The following ARHGAP25 variants were observed in gnomAD, a reference collection of about 807,000 sequenced individuals.
The protein encoded by ARHGAP25 is Rho GTPase activating protein 25, also known as rho GTPase-activating protein 25.
ARHGAP25 carries 34 observed loss-of-function variants against 71.0 expected under a neutral mutation model. The ratio of observed to expected loss-of-function variants is 0.48; its 90% CI spans 0.36 to 0.64. The LOEUF is 0.64. ARHGAP25 is among the 30% of genes least tolerant of loss of function. The probability of loss-of-function intolerance (pLI) is 0.00; values close to 1 mark genes in which losing one functional copy is unlikely to be tolerated. For missense variants in ARHGAP25, 706 were observed against 805.1 expected, an observed-to-expected ratio of 0.88 and a Z score of 1.49; for synonymous variants, 282 against 296.5, an observed-to-expected ratio of 0.95 and a Z score of 0.50.
At chr2:68,768,794 C>T (rs1677291778) in intron 1 of ARHGAP25, among the ~76,000 whole-genome samples, 1 of 152,182 alleles carries the variant, frequency 6.6e-6, no homozygotes, top group African/African-American at 2.4e-5. Context: ...GCTCTCAGTC[C>T]ACCCTCACAC....
chr2:68,823,874 C>G (rs1681893415), intron 10 of ARHGAP25, among the ~76,000 whole-genome samples: 1 of 152,198 alleles, frequency 6.6e-6, no homozygotes, highest in South Asian at 2.1e-4. Flanking sequence ...AGAGTATTTT[C>G]TTGAAATATT....
At chr2:68,762,879 G>A (rs993905683) in intron 1 of ARHGAP25, among the ~76,000 whole-genome samples, 2 of 152,112 alleles carry the variant, frequency 1.3e-5, no homozygotes, top group African/African-American at 4.8e-5. Context: ...TTTTTGTGAG[G>A]ACCTTGGGTG....
At chr2:68,797,948 C>G (rs1224093950) in intron 4 of ARHGAP25, among the ~76,000 whole-genome samples, 3 of 152,214 alleles carry the variant, frequency 2.0e-5, no homozygotes, top group African/African-American at 7.2e-5. Context: ...TTCCTGTTTT[C>G]TTTCTTCCTG....
chr2:68,713,541 G>A (rs1015421772), intron 2 of ARHGAP25, among the ~76,000 whole-genome samples: 2 of 152,118 alleles, frequency 1.3e-5, no homozygotes, highest in African/African-American at 2.4e-5. Context: ...ATGTTGAATC[G>A]GAGTGGTGAG....
intron 2 of ARHGAP25, among the ~76,000 whole-genome samples, chr2:68,777,034 C>A (rs1392277291): frequency 6.6e-6 from 1 of 152,144 alleles, no homozygotes; most frequent in Non-Finnish European, 1.5e-5. Flanking sequence ...ATCGCAGGGA[C>A]CCCACCACAG....
At chr2:68,754,595 A>G (rs1208976494) in intron 1 of ARHGAP25, among the ~76,000 whole-genome samples, 1 of 152,222 alleles carries the variant, frequency 6.6e-6, no homozygotes, top group Admixed American at 6.5e-5. Flanking sequence ...TTGGGTAAAT[A>G]TTGAGGAGTG....
At chr2:68,775,443 C>G (rs778153950) in intron 2 of ARHGAP25, 23 bp downstream of exon 2, 2 of 1,613,910 alleles carry the variant, frequency 1.2e-6, no homozygotes, top group South Asian at 1.1e-5. Context: ...CTGTTTGTCC[C>G]GTTCATAAGG....
At chr2:68,803,553 G>A (rs1480993312) in intron 4 of ARHGAP25, among the ~76,000 whole-genome samples, 1 of 152,108 alleles carries the variant, frequency 6.6e-6, no homozygotes, top group Non-Finnish European at 1.5e-5. Context: ...GAGAACTGAG[G>A]TGGGAGATTA....
chr2:68,792,849 A>G (rs1030139249), intron 4 of ARHGAP25, among the ~76,000 whole-genome samples: 2 of 152,200 alleles, frequency 1.3e-5, no homozygotes, highest in Non-Finnish European at 2.9e-5. Context: ...AGAAATCTCC[A>G]TACTGTTTTC....
intron 4 of ARHGAP25, among the ~76,000 whole-genome samples, chr2:68,796,650 G>A (rs1679560226): frequency 6.6e-6 from 1 of 152,146 alleles, no homozygotes; most frequent in East Asian, 1.9e-4. Flanking sequence ...GTGTGTTAGG[G>A]TGCAGTTATT....
intron 1 of ARHGAP25, among the ~76,000 whole-genome samples, chr2:68,764,771 C>T (rs538260133): frequency 1.3e-5 from 2 of 152,258 alleles, no homozygotes; most frequent in Admixed American, 6.5e-5. Context: ...GGGCCCTTTC[C>T]GCTCCCTCTG....
intron 4 of ARHGAP25, among the ~76,000 whole-genome samples, chr2:68,797,127 C>G (rs1679609316): frequency 6.6e-6 from 1 of 152,148 alleles, no homozygotes; most frequent in South Asian, 2.1e-4. Context: ...CACACTCTGT[C>G]TTGGAGTAGG....
chr2:68,810,726 C>CTG (rs1680733857), intron 5 of ARHGAP25, among the ~76,000 whole-genome samples: 1 of 124,106 alleles, frequency 8.1e-6, no homozygotes, highest in African/African-American at 3.0e-5. Context: ...CTTTTCTTTT[C>CTG]TTCTCTTTTT....
chr2:68,766,151 G>A (rs914994964), intron 1 of ARHGAP25, among the ~76,000 whole-genome samples: 2 of 152,196 alleles, frequency 1.3e-5, no homozygotes, highest in Admixed American at 6.5e-5. Context: ...GGCAATGGAG[G>A]GGTCAGTACT....
chr2:68,786,386 C>T (rs192786910), intron 3 of ARHGAP25, among the ~76,000 whole-genome samples: 32 of 152,196 alleles, frequency 2.1e-4, no homozygotes, highest in Non-Finnish European at 2.6e-4. Flanking sequence ...GGAAGGACAC[C>T]GACAGACTTG....
At chr2:68,730,494 T>C (rs1339170472), upstream of ARHGAP25, among the ~76,000 whole-genome samples, 1 of 151,776 alleles carries the variant, frequency 6.6e-6, no homozygotes, top group Non-Finnish European at 1.5e-5. Flanking sequence ...AACGAGTTTT[T>C]AAAAAATTAG....
intron 10 of ARHGAP25, among the ~76,000 whole-genome samples, chr2:68,824,183 A>G (rs566763708): frequency 2.4e-4 from 36 of 152,366 alleles, no homozygotes; most frequent in African/African-American, 8.7e-4. Context: ...GCAGTGATCA[A>G]AGCAGTCCCA....
chr2:68,806,187 T>G (rs1373165008), intron 4 of ARHGAP25, among the ~76,000 whole-genome samples: 1 of 152,232 alleles, frequency 6.6e-6, no homozygotes, highest in Non-Finnish European at 1.5e-5. Flanking sequence ...ACTTGGGAAT[T>G]TGTCCTAAGG....
At chr2:68,760,741 T>A (rs1011153343) in intron 1 of ARHGAP25, among the ~76,000 whole-genome samples, 1 of 151,882 alleles carries the variant, frequency 6.6e-6, no homozygotes, top group African/African-American at 2.4e-5. Context: ...GTTGGAAGAC[T>A]TAATACTATC....
Sources: allele counts gnomAD v4.1 joint callset (sites outside exome capture counted in the v4.1 genomes callset), GRCh38; gene constraint gnomAD v4.1.1; transcripts MANE v1.5; gene names NCBI Gene and HGNC (gene_info 2026-07-23, HGNC 2026-07-21).